The following GRID2 variants were observed in gnomAD, a reference collection of about 807,000 sequenced individuals.
GRID2 encodes the protein glutamate receptor ionotropic, delta-2.
A neutral mutation model predicts 114.8 loss-of-function variants in GRID2; 33 were observed. The ratio of observed to expected loss-of-function variants is 0.29; its 90% confidence interval spans 0.22 to 0.38. The LOEUF is 0.38. Ranked by LOEUF, GRID2 falls within the 10% of genes least tolerant of loss-of-function variation. GRID2 has a pLI of 1.00. For synonymous variants in GRID2, 505 were observed against 449.9 expected (o/e 1.12, Z -1.55); for missense variants, 1,184 against 1,257.7 (o/e 0.94, Z 0.89).
At chr4:93,552,486 A>T (rs1360674609) in intron 13 of GRID2, among the ~76,000 whole-genome samples, 11 of 152,190 alleles carry the variant, frequency 7.2e-5, no homozygotes, top group African/African-American at 1.2e-4. Flanking sequence ...ACTAGTTGAC[A>T]GTCCCACCAA....
At chr4:93,165,699 T>A (rs1449408638) in intron 4 of GRID2, among the ~76,000 whole-genome samples, 1 of 152,014 alleles carries the variant, frequency 6.6e-6, no homozygotes, top group Non-Finnish European at 1.5e-5. Context: ...CAGAGCTGAG[T>A]CTTATCAACA....
chr4:93,790,066 C>T (rs1232909133), intron 1 of GRID2, among the ~76,000 whole-genome samples: 2 of 149,794 alleles, frequency 1.3e-5, no homozygotes, highest in Non-Finnish European at 3.0e-5. Flanking sequence ...CCAAAACCAT[C>T]CCCCTCCCCC....
At chr4:93,629,982 C>A (rs1743094140) in intron 14 of GRID2, among the ~76,000 whole-genome samples, 1 of 152,120 alleles carries the variant, frequency 6.6e-6, no homozygotes, top group African/African-American at 2.4e-5. Flanking sequence ...TGCACCTGGA[C>A]AAGCATCAAA....
chr4:93,648,061 TTC>T (rs1722266413), intron 14 of GRID2, among the ~76,000 whole-genome samples: 1 of 152,178 alleles, frequency 6.6e-6, no homozygotes, highest in African/African-American at 2.4e-5. Context: ...CAAATCTGAC[TTC>T]AGCTGTCATG....
At chr4:93,047,673 A>G (rs142527164) in intron 2 of GRID2, among the ~76,000 whole-genome samples, 43 of 152,208 alleles carry the variant, frequency 2.8e-4, no homozygotes, top group Non-Finnish European at 4.4e-4. Flanking sequence ...TCAAAATGAT[A>G]TTTAACAACA....
At chr4:93,415,610 G>C (rs1767625990) in intron 9 of GRID2, among the ~76,000 whole-genome samples, 1 of 151,954 alleles carries the variant, frequency 6.6e-6, no homozygotes, top group Non-Finnish European at 1.5e-5. Context: ...TGGTGACCTT[G>C]TATTCCCACT....
rs554081282 is a variant in GRID2 at position 92,353,499 on chromosome 4, T to G, written c.88+48755T>G. ...TCCTCAGGGTTTGTTGTTATTTTTG[T>G]TTTTGGAGTCTCTAATCATTTGTCT... On this transcript the variant is annotated intron_variant, in intron 1 of 15. Coordinates refer to ENST00000282020, the MANE Select transcript of GRID2 (RefSeq NM_001510.4). Among the ~76,000 whole-genome samples, 243 of 152,172 alleles carry G rather than the reference T, an allele frequency of 1.6e-3. 2 individuals are homozygous for G. Among genetic ancestry groups the G allele is most frequent in the African/African-American group, 5.7e-3 (237 of 41,560 alleles).
intron 1 of GRID2, among the ~76,000 whole-genome samples, chr4:92,457,004 C>T (rs959685891): frequency 1.3e-5 from 2 of 152,142 alleles, no homozygotes; most frequent in Non-Finnish European, 2.9e-5. Flanking sequence ...GTGTATATTT[C>T]TGTCTCCAAC....
intron 2 of GRID2, among the ~76,000 whole-genome samples, chr4:92,777,319 T>G (rs1187591922): frequency 6.6e-6 from 1 of 152,100 alleles, no homozygotes; most frequent in Non-Finnish European, 1.5e-5. Context: ...ATGACCTTGC[T>G]GTTATAGTTC....
intron 1 of GRID2, among the ~76,000 whole-genome samples, chr4:92,392,965 A>G (rs1295024271): frequency 2.0e-5 from 3 of 152,176 alleles, no homozygotes; most frequent in Non-Finnish European, 4.4e-5. Context: ...ACTTACAAGA[A>G]AAGAGGTTTA....
At chr4:92,741,107 T>C (rs897894266) in intron 2 of GRID2, among the ~76,000 whole-genome samples, 10 of 152,096 alleles carry the variant, frequency 6.6e-5, no homozygotes, top group Admixed American at 5.2e-4. Flanking sequence ...AGATGAAGAT[T>C]CTGGTTAGGA....
intron 2 of GRID2, among the ~76,000 whole-genome samples, chr4:92,931,611 C>T (rs1451065487): frequency 1.3e-5 from 2 of 148,856 alleles, no homozygotes; most frequent in Non-Finnish European, 3.0e-5. Flanking sequence ...CCCAAGGCTA[C>T]AAGATAGAAG....
At chr4:93,321,319 A>T (rs1252691197) in intron 8 of GRID2, among the ~76,000 whole-genome samples, 1 of 152,078 alleles carries the variant, frequency 6.6e-6, no homozygotes, top group Admixed American at 6.6e-5. Flanking sequence ...TTCCCTAATT[A>T]TAAAAAAAAG....
At chr4:93,604,600 C>G (rs1229644040) in intron 13 of GRID2, among the ~76,000 whole-genome samples, 2 of 152,172 alleles carry the variant, frequency 1.3e-5, no homozygotes, top group African/African-American at 4.8e-5. Flanking sequence ...AAAATACTGT[C>G]TAAAAGCATC....
intron 7 of GRID2, among the ~76,000 whole-genome samples, chr4:93,229,205 G>A (rs1434137375): frequency 1.3e-5 from 2 of 151,908 alleles, no homozygotes; most frequent in African/African-American, 2.4e-5. Flanking sequence ...AGTGTTTTTG[G>A]TCACCTATTT....
At chr4:93,599,483 C>G (rs1202904416) in intron 13 of GRID2, among the ~76,000 whole-genome samples, 4 of 152,164 alleles carry the variant, frequency 2.6e-5, no homozygotes. Flanking sequence ...ATCATTGAAA[C>G]TTTCTGTAAT....
intron 2 of GRID2, among the ~76,000 whole-genome samples, chr4:92,603,409 T>C (rs1729312910): frequency 6.6e-6 from 1 of 152,124 alleles, no homozygotes. Flanking sequence ...TACAACCATT[T>C]GATCTTAAAC....
intron 2 of GRID2, among the ~76,000 whole-genome samples, chr4:92,701,829 C>T (rs1734689071): frequency 6.6e-6 from 1 of 151,994 alleles, no homozygotes; most frequent in Admixed American, 6.5e-5. Context: ...CATGGAAACC[C>T]TGCATTAAAA....
intron 4 of GRID2, among the ~76,000 whole-genome samples, chr4:93,178,085 C>T (rs1288313963): frequency 7.0e-6 from 1 of 142,648 alleles, no homozygotes; most frequent in East Asian, 2.2e-4. Context: ...AAAAAAAAAA[C>T]ATATAAGCTA....
Sources: gnomAD v4.1 joint callset for allele counts (sites outside exome capture counted in the v4.1 genomes callset) on GRCh38, gnomAD v4.1.1 for gene constraint, MANE v1.5 for transcripts, NCBI Gene and HGNC (gene_info 2026-07-23, HGNC 2026-07-21) for gene names.